CPA6: variants seen among roughly 807,000 people sequenced by gnomAD.
CPA6 encodes carboxypeptidase A6.
A neutral mutation model predicts 63.3 loss-of-function variants in CPA6; 58 were observed. That is an observed-to-expected ratio of 0.92 (90% confidence interval 0.74 to 1.14). The LOEUF is 1.14. Among genes scored for constraint, CPA6 ranks in the 50% most tolerant of loss-of-function variants. The probability of loss-of-function intolerance (pLI) is 0.00; values close to 1 mark genes in which losing one functional copy is unlikely to be tolerated. For synonymous variants in CPA6, 185 were observed against 179.0 expected, an observed-to-expected ratio of 1.03 and a Z score of -0.27; for missense variants, 565 against 526.6, an observed-to-expected ratio of 1.07 and a Z score of -0.71.
intron 8 of CPA6, among the ~76,000 whole-genome samples, chr8:67,465,138 T>C (rs113555054): frequency 0.035 from 5,369 of 152,344 alleles, 136 homozygotes; most frequent in Non-Finnish European, 0.052. Flanking sequence ...TTCTAATCCA[T>C]GAGCATGGAA....
At chr8:67,512,678 T>C (rs1812065580) in intron 3 of CPA6, among the ~76,000 whole-genome samples, 1 of 152,220 alleles carries the variant, frequency 6.6e-6, no homozygotes, top group Non-Finnish European at 1.5e-5. Flanking sequence ...TTAAAGATGT[T>C]AGAAAGCCCC....
chr8:67,577,215 G>T (rs1270058892), intron 2 of CPA6, among the ~76,000 whole-genome samples: 1 of 152,142 alleles, frequency 6.6e-6, no homozygotes, highest in Admixed American at 6.5e-5. Context: ...TTCCACTTTA[G>T]CTGAATCCCC....
At chr8:67,745,594 C>CACACACA in intron 1 of CPA6, among the ~76,000 whole-genome samples, 1 of 152,030 alleles carries the variant, frequency 6.6e-6, no homozygotes, top group South Asian at 2.1e-4. Context: ...AAAAATCACA[C>CACACACA]TCAGTTCTTA....
intron 2 of CPA6, among the ~76,000 whole-genome samples, chr8:67,606,015 G>T (rs575770781): frequency 3.2e-4 from 49 of 152,060 alleles, no homozygotes; most frequent in African/African-American, 1.1e-3. Context: ...ATGGAATATG[G>T]GCCCAGAAGA....
chr8:67,577,252 T>C (rs1039846577), intron 2 of CPA6, among the ~76,000 whole-genome samples: 1 of 152,082 alleles, frequency 6.6e-6, no homozygotes, highest in Non-Finnish European at 1.5e-5. Context: ...TTCAAAGACA[T>C]GAGGGTATGA....
chr8:67,518,984 T>C (rs1047164689), intron 2 of CPA6, among the ~76,000 whole-genome samples: 4 of 152,188 alleles, frequency 2.6e-5, no homozygotes, highest in African/African-American at 9.7e-5. Flanking sequence ...TTGATGTAGC[T>C]TCCTCTTGCC....
intron 6 of CPA6, among the ~76,000 whole-genome samples, chr8:67,502,366 C>T (rs967942315): frequency 1.1e-4 from 17 of 152,064 alleles, no homozygotes; most frequent in Admixed American, 3.9e-4. Flanking sequence ...TGGAGGCTGA[C>T]GTGAAAGATT....
chr8:67,596,098 A>C (rs552551886), intron 2 of CPA6, among the ~76,000 whole-genome samples: 229 of 152,268 alleles, frequency 1.5e-3, no homozygotes, highest in African/African-American at 5.3e-3. Flanking sequence ...TTTTCTCAAC[A>C]ATCTTTAATT....
intron 8 of CPA6, among the ~76,000 whole-genome samples, chr8:67,463,004 A>G (rs1335752739): frequency 2.0e-5 from 3 of 152,242 alleles, no homozygotes; most frequent in East Asian, 1.9e-4. Context: ...TTTTACATTT[A>G]AATTATATTT....
At chr8:67,443,628 C>T (rs764388254) in intron 8 of CPA6, among the ~76,000 whole-genome samples, 1 of 152,162 alleles carries the variant, frequency 6.6e-6, no homozygotes. Context: ...CAGAAAGAAA[C>T]CCCATACTTT....
intron 2 of CPA6, among the ~76,000 whole-genome samples, chr8:67,544,303 G>C (rs1475565780): frequency 1.3e-5 from 2 of 152,174 alleles, no homozygotes; most frequent in Non-Finnish European, 2.9e-5. Context: ...CAGAATCCCA[G>C]GTGTACCAAT....
chr8:67,539,020 G>A (rs906758856), intron 2 of CPA6, among the ~76,000 whole-genome samples: 3 of 152,178 alleles, frequency 2.0e-5, no homozygotes, highest in African/African-American at 4.8e-5. Context: ...GATGTTATGT[G>A]TGAATTTGAT....
At chr8:67,603,536 T>C (rs1185802643) in intron 2 of CPA6, among the ~76,000 whole-genome samples, 1 of 152,190 alleles carries the variant, frequency 6.6e-6, no homozygotes, top group African/African-American at 2.4e-5. Flanking sequence ...CCCTAAAGCA[T>C]GTCCATAGAT....
intron 1 of CPA6, among the ~76,000 whole-genome samples, chr8:67,656,374 A>G (rs1041661528): frequency 3.3e-5 from 5 of 152,162 alleles, no homozygotes; most frequent in Non-Finnish European, 5.9e-5. Flanking sequence ...TACTCTCTTC[A>G]ACTATTCCCA....
At chr8:67,565,750 T>C (rs190364063) in intron 2 of CPA6, among the ~76,000 whole-genome samples, 86 of 152,312 alleles carry the variant, frequency 5.6e-4, no homozygotes, top group African/African-American at 1.9e-3. Flanking sequence ...CAATTTCTAC[T>C]CTGAAATGTG....
At chr8:67,696,126 A>G (rs2128997992) in intron 1 of CPA6, among the ~76,000 whole-genome samples, 1 of 152,300 alleles carries the variant, frequency 6.6e-6, no homozygotes, top group East Asian at 1.9e-4. Context: ...CTGTTCCACA[A>G]TAGAGGCAAG....
At chr8:67,718,285 AT>A (rs773189030) in intron 1 of CPA6, among the ~76,000 whole-genome samples, 6 of 151,458 alleles carry the variant, frequency 4.0e-5, no homozygotes, top group Admixed American at 6.6e-5. Flanking sequence ...ATTGTGAGGT[AT>A]TTTTTTTTAA....
At chr8:67,559,907 T>C (rs900243757) in intron 2 of CPA6, among the ~76,000 whole-genome samples, 1 of 151,482 alleles carries the variant, frequency 6.6e-6, no homozygotes, top group Non-Finnish European at 1.5e-5. Context: ...AGTGTTTTTA[T>C]AAGAGAGGCC....
chr8:67,502,716 C>T (rs1811852422), intron 6 of CPA6, among the ~76,000 whole-genome samples: 1 of 152,126 alleles, frequency 6.6e-6, no homozygotes, highest in South Asian at 2.1e-4. Flanking sequence ...TCAAAACTTC[C>T]CTTGAGATTT....
Sources: allele counts gnomAD v4.1 joint callset (sites outside exome capture counted in the v4.1 genomes callset), GRCh38; gene constraint gnomAD v4.1.1; transcripts MANE v1.5; gene names NCBI Gene and HGNC (gene_info 2026-07-23, HGNC 2026-07-21).